Variants in VWA8 observed in about 807,000 individuals in gnomAD.
VWA8 encodes the protein von Willebrand factor A domain containing 8, also known as von Willebrand factor A domain-containing protein 8.
Under a neutral mutation model 241.5 loss-of-function variants are expected in VWA8, and 221 were observed. The ratio of observed to expected loss-of-function variants is 0.91; its 90% CI spans 0.82 to 1.02. The LOEUF is 1.02. Among genes scored for constraint, VWA8 ranks in the 50% least tolerant of loss-of-function variants. The probability of loss-of-function intolerance (pLI) is 0.00; values close to 1 mark genes in which losing one functional copy is unlikely to be tolerated. For synonymous variants in VWA8, 852 were observed against 827.1 expected (o/e 1.03, Z -0.52); for missense variants, 2,322 against 2,328.7 (o/e 1.00, Z 0.06).
intron 37 of VWA8, among the ~76,000 whole-genome samples, chr13:41,651,749 GA>G (rs1340659191): frequency 6.6e-6 from 1 of 152,088 alleles, no homozygotes; most frequent in Non-Finnish European, 1.5e-5. Context: ...TGGGCCTACA[GA>G]AAAAGGTGGT....
intron 37 of VWA8, among the ~76,000 whole-genome samples, chr13:41,645,740 TTC>T (rs1318855955): frequency 6.6e-6 from 1 of 152,200 alleles, no homozygotes; most frequent in African/African-American, 2.4e-5. Flanking sequence ...GAAAAGGCAG[TTC>T]TCTCTCTACT....
chr13:41,841,685 G>T (rs1872010548), intron 12 of VWA8, among the ~76,000 whole-genome samples: 1 of 146,960 alleles, frequency 6.8e-6, no homozygotes. Context: ...ACTCGGGAGG[G>T]GAGGCAGGAG....
At chr13:41,640,646 A>T (rs757300170) in intron 37 of VWA8, among the ~76,000 whole-genome samples, 5 of 152,204 alleles carry the variant, frequency 3.3e-5, no homozygotes, top group Non-Finnish European at 7.3e-5. Context: ...AAACACACTA[A>T]AAAGTTTTAC....
At chr13:41,795,285 G>A (rs1159611864) in intron 17 of VWA8, among the ~76,000 whole-genome samples, 2 of 152,152 alleles carry the variant, frequency 1.3e-5, no homozygotes, top group Non-Finnish European at 2.9e-5. Flanking sequence ...TTAGTAAAAA[G>A]TCAATAAACA....
chr13:41,767,944 A>T (rs1006393994), intron 20 of VWA8, among the ~76,000 whole-genome samples: 10 of 152,400 alleles, frequency 6.6e-5, no homozygotes, highest in African/African-American at 2.4e-4. Flanking sequence ...TCAAGAAAAA[A>T]TATTCACTAA....
chr13:41,897,475 T>C (rs1875168993), intron 4 of VWA8, among the ~76,000 whole-genome samples: 1 of 141,016 alleles, frequency 7.1e-6, no homozygotes, highest in African/African-American at 2.4e-5. Flanking sequence ...AGTACAGCCA[T>C]TATAAAAAAC....
At chr13:41,909,552 T>C (rs977720630) in intron 3 of VWA8, among the ~76,000 whole-genome samples, 1 of 152,262 alleles carries the variant, frequency 6.6e-6, no homozygotes, top group African/African-American at 2.4e-5. Context: ...TCATGTCTGC[T>C]TCATTGACTG....
chr13:41,904,186 CAAAT>C (rs1875591954), intron 4 of VWA8, among the ~76,000 whole-genome samples: 1 of 152,116 alleles, frequency 6.6e-6, no homozygotes, highest in African/African-American at 2.4e-5. Context: ...AATGGTCCAA[CAAAT>C]AAATCTTTAG....
intron 2 of VWA8, among the ~76,000 whole-genome samples, chr13:41,941,661 C>T (rs1262073724): frequency 6.6e-6 from 1 of 152,198 alleles, no homozygotes; most frequent in Non-Finnish European, 1.5e-5. Context: ...TCCCCATACT[C>T]AACAGTGTCA....
At chr13:41,771,072 A>G (rs1238803657) in intron 20 of VWA8, among the ~76,000 whole-genome samples, 1 of 152,160 alleles carries the variant, frequency 6.6e-6, no homozygotes, top group African/African-American at 2.4e-5. Flanking sequence ...ATGTTATGAT[A>G]TGTAGATCAA....
chr13:41,870,315 G>C (rs567095290), intron 9 of VWA8, among the ~76,000 whole-genome samples: 4 of 151,958 alleles, frequency 2.6e-5, no homozygotes, highest in Non-Finnish European at 5.9e-5. Context: ...AAAGGAGCAA[G>C]ACCTACCCAA....
At chr13:41,888,266 T>A (rs999699537) in intron 5 of VWA8, among the ~76,000 whole-genome samples, 1 of 152,198 alleles carries the variant, frequency 6.6e-6, no homozygotes, top group African/African-American at 2.4e-5. Context: ...ATCTACAGTA[T>A]TGACTAAATT....
Position 41,633,534 on chromosome 13 carries a change from T to C in VWA8, c.4612-18450A>G, listed in dbSNP as rs115378438. Among the ~76,000 whole-genome samples the C allele has an allele frequency of 6.4e-3, 976 of 152,322 alleles. 12 individuals carry two copies. The highest frequency in any genetic ancestry group is 0.022 in the African/African-American group (932 of 41,582). The stretch of plus-strand genomic sequence containing the variant: ...CAAGTTAGAAAGAAAGCAGGAACTT[T>C]GGGGTAGGAGAAAAGAATACCATTG... On this transcript the variant is annotated intron_variant, in intron 37 of 44. Coordinates refer to ENST00000379310, the MANE Select transcript of VWA8 (RefSeq NM_015058.2).
At chr13:41,822,670 T>C (rs1341741672) in intron 14 of VWA8, among the ~76,000 whole-genome samples, 3 of 152,280 alleles carry the variant, frequency 2.0e-5, no homozygotes, top group Middle Eastern at 3.4e-3. Context: ...TGAATAAATA[T>C]GTAAGAAGAG....
At chr13:41,925,203 G>C (rs1022458742) in intron 2 of VWA8, among the ~76,000 whole-genome samples, 1 of 152,188 alleles carries the variant, frequency 6.6e-6, no homozygotes, top group Non-Finnish European at 1.5e-5. Context: ...GTATTTCCCA[G>C]ATAAGCAAAG....
chr13:41,731,848 T>C (rs1251634778), intron 22 of VWA8, among the ~76,000 whole-genome samples: 1 of 152,220 alleles, frequency 6.6e-6, no homozygotes, highest in Non-Finnish European at 1.5e-5. Flanking sequence ...CCTGCTGCCA[T>C]GTGAGACATG....
chr13:41,737,898 A>G (rs78044809), intron 21 of VWA8, among the ~76,000 whole-genome samples: 1 of 152,256 alleles, frequency 6.6e-6, no homozygotes, highest in East Asian at 1.9e-4. Context: ...AAAAAGAAAA[A>G]AGAAGACAAA....
At chr13:41,643,634 TGAACGCCA>T (rs2139683014) in intron 37 of VWA8, among the ~76,000 whole-genome samples, 1 of 152,324 alleles carries the variant, frequency 6.6e-6, no homozygotes, top group South Asian at 2.1e-4. Flanking sequence ...CAGAGCTTAA[TGAACGCCA>T]GTGTAGTTGC....
At chr13:41,885,628 C>T (rs1267946816) in intron 8 of VWA8, among the ~76,000 whole-genome samples, 2 of 152,186 alleles carry the variant, frequency 1.3e-5, no homozygotes, top group African/African-American at 4.8e-5. Flanking sequence ...AGGCCTAACT[C>T]ACACTGCAGC....
Sources: gnomAD v4.1 joint callset for allele counts (sites outside exome capture counted in the v4.1 genomes callset) on GRCh38, gnomAD v4.1.1 for gene constraint, MANE v1.5 for transcripts, NCBI Gene and HGNC (gene_info 2026-07-23, HGNC 2026-07-21) for gene names.